Variants in UNC5C observed in about 807,000 individuals in gnomAD.
UNC5C encodes the protein unc-5 netrin receptor C.
In UNC5C, 47 loss-of-function variants were observed where a neutral mutation model predicts 99.8. The ratio of observed to expected loss-of-function variants is 0.47; its 90% CI spans 0.37 to 0.60. The LOEUF (loss-of-function observed/expected upper bound fraction) is 0.60. UNC5C is among the 20% of genes least tolerant of loss of function. The pLI is 0.00. For missense variants in UNC5C, 1,062 were observed against 1,165.9 expected (o/e 0.91, Z 1.30); for synonymous variants, 487 against 452.2 (o/e 1.08, Z -0.98).
intron 1 of UNC5C, among the ~76,000 whole-genome samples, chr4:95,513,175 G>T (rs1030420620): frequency 6.6e-6 from 1 of 152,186 alleles, no homozygotes; most frequent in Admixed American, 6.6e-5. Context: ...TTACATCCCG[G>T]CATGTAATGC....
intron 1 of UNC5C, among the ~76,000 whole-genome samples, chr4:95,374,008 T>A (rs758350113): frequency 2.6e-5 from 4 of 152,078 alleles, no homozygotes; most frequent in African/African-American, 4.8e-5. Context: ...AATTAGCCCT[T>A]AAATTACATT....
chr4:95,496,614 T>C (rs1721637584), intron 1 of UNC5C, among the ~76,000 whole-genome samples: 1 of 151,890 alleles, frequency 6.6e-6, no homozygotes. Flanking sequence ...TCAAGTAACA[T>C]AAATATTGGG....
chr4:95,462,667 A>G (rs1747640259), intron 1 of UNC5C, among the ~76,000 whole-genome samples: 1 of 152,212 alleles, frequency 6.6e-6, no homozygotes, highest in South Asian at 2.1e-4. Context: ...TAAAATATAG[A>G]AACTACAACC....
intron 14 of UNC5C, among the ~76,000 whole-genome samples, chr4:95,178,149 C>G (rs149970731): frequency 2.2e-4 from 34 of 152,322 alleles, no homozygotes; most frequent in Middle Eastern, 3.4e-3. Flanking sequence ...CTCAGGTTGC[C>G]CCGTCCTTAC....
chr4:95,319,497 T>C (rs1742599858), intron 2 of UNC5C, among the ~76,000 whole-genome samples: 1 of 152,324 alleles, frequency 6.6e-6, no homozygotes, highest in Admixed American at 6.5e-5. Context: ...CTGTGCTTAC[T>C]TTTTTGCCAG....
intron 1 of UNC5C, among the ~76,000 whole-genome samples, chr4:95,487,246 C>T (rs1379679954): frequency 6.6e-6 from 1 of 151,786 alleles, no homozygotes; most frequent in East Asian, 1.9e-4. Context: ...TAGCACATTG[C>T]TTTGTAGCTC....
At chr4:95,426,610 A>T (rs1164902401) in intron 1 of UNC5C, among the ~76,000 whole-genome samples, 1 of 152,230 alleles carries the variant, frequency 6.6e-6, no homozygotes, top group African/African-American at 2.4e-5. Context: ...AAACTTCATG[A>T]AGCCAATTAA....
intron 1 of UNC5C, among the ~76,000 whole-genome samples, chr4:95,433,684 TC>T (rs1746696026): frequency 6.6e-6 from 1 of 152,280 alleles, no homozygotes; most frequent in East Asian, 1.9e-4. Flanking sequence ...TAGATTTTTT[TC>T]ATGCAATATT....
intron 1 of UNC5C, among the ~76,000 whole-genome samples, chr4:95,365,472 T>C (rs1330103182): frequency 1.3e-5 from 2 of 149,546 alleles, no homozygotes; most frequent in Non-Finnish European, 3.0e-5. Context: ...AAAAGATAAA[T>C]ATATATTTTC....
At chr4:95,356,502 A>G (rs756872752) in intron 1 of UNC5C, among the ~76,000 whole-genome samples, 1 of 152,192 alleles carries the variant, frequency 6.6e-6, no homozygotes, top group Non-Finnish European at 1.5e-5. Flanking sequence ...CACATTCATA[A>G]TGATCTTTTG....
intron 1 of UNC5C, among the ~76,000 whole-genome samples, chr4:95,410,336 T>C (rs1353783112): frequency 1.3e-5 from 2 of 152,160 alleles, no homozygotes; most frequent in South Asian, 2.1e-4. Flanking sequence ...GTCTCATTAA[T>C]GAAAAGAAAA....
rs552168780 is a variant in UNC5C at position 95,167,883 on chromosome 4, G to A, written c.*1351C>T. 2.0e-5 allele frequency: 3 copies of A among 152,310 alleles called. No homozygotes were observed. Among genetic ancestry groups the A allele is most frequent in the African/African-American group, 7.2e-5 (3 of 41,572 alleles). The allele number at this position is 152,310 out of a possible 1,614,324, so 9.4% of individuals were successfully genotyped here. A position where few individuals can be genotyped will look rare whatever the true frequency, so the allele number is the denominator to read the frequency against. The stretch of plus-strand genomic sequence containing the variant: ...TGATGAATGAGACTGGAGGCATCAC[G>A]GTGGAAGTTGAGCATTTCAGAACTT... On this transcript the variant is annotated 3_prime_UTR_variant, in exon 16 of 16. Coordinates refer to ENST00000453304, the MANE Select transcript of UNC5C (RefSeq NM_003728.4).
chr4:95,536,217 AGGT>A, intron 1 of UNC5C, among the ~76,000 whole-genome samples: 1 of 152,072 alleles, frequency 6.6e-6, no homozygotes, highest in Non-Finnish European at 1.5e-5. Context: ...CTGGGACTAC[AGGT>A]GCATGCCACC....
intron 1 of UNC5C, among the ~76,000 whole-genome samples, chr4:95,367,771 A>C (rs1744617875): frequency 6.6e-6 from 1 of 152,106 alleles, no homozygotes; most frequent in African/African-American, 2.4e-5. Flanking sequence ...TGACTCTGTA[A>C]ATTTTAGTTG....
intron 2 of UNC5C, among the ~76,000 whole-genome samples, chr4:95,332,454 AAAAC>A (rs201730240): frequency 0.13 from 18,892 of 147,458 alleles, 1,502 homozygotes; most frequent in East Asian, 0.27. Flanking sequence ...AAACCTGAGA[AAAAC>A]AAGCAATGGG....
intron 1 of UNC5C, among the ~76,000 whole-genome samples, chr4:95,374,638 C>T (rs1387914173): frequency 6.6e-6 from 1 of 152,002 alleles, no homozygotes; most frequent in East Asian, 1.9e-4. Context: ...CTTGACTACC[C>T]AAGGCATAAT....
intron 1 of UNC5C, among the ~76,000 whole-genome samples, chr4:95,343,926 A>G (rs1743672873): frequency 6.6e-6 from 1 of 152,138 alleles, no homozygotes; most frequent in African/African-American, 2.4e-5. Flanking sequence ...AAAAAAATGA[A>G]GCACATCTAC....
chr4:95,356,699 G>A (rs1009707417), intron 1 of UNC5C, among the ~76,000 whole-genome samples: 11 of 152,124 alleles, frequency 7.2e-5, no homozygotes, highest in South Asian at 2.1e-4. Flanking sequence ...GTGAGAGAGA[G>A]GCCTGGGTAA....
chr4:95,220,731 A>G (rs984268148), intron 7 of UNC5C, among the ~76,000 whole-genome samples: 2 of 152,184 alleles, frequency 1.3e-5, no homozygotes, highest in Non-Finnish European at 2.9e-5. Flanking sequence ...AGCAAATACT[A>G]GGAGCAAACA....
Sources: allele counts gnomAD v4.1 joint callset (sites outside exome capture counted in the v4.1 genomes callset), GRCh38; gene constraint gnomAD v4.1.1; transcripts MANE v1.5; gene names NCBI Gene and HGNC (gene_info 2026-07-23, HGNC 2026-07-21).